RGS6: variants seen among roughly 807,000 people sequenced by gnomAD.
The protein encoded by RGS6 is regulator of G protein signaling 6.
RGS6 carries 30 observed loss-of-function variants against 78.5 expected under a neutral mutation model. The ratio of observed to expected loss-of-function variants is 0.38; its 90% CI spans 0.29 to 0.52. The LOEUF (loss-of-function observed/expected upper bound fraction) is 0.52. RGS6 is among the 20% of genes least tolerant of loss of function. The pLI is 0.85. For synonymous variants in RGS6, 206 were observed against 206.0 expected, an observed-to-expected ratio of 1.00 and a Z score of 0.00; for missense variants, 495 against 609.7, an observed-to-expected ratio of 0.81 and a Z score of 1.98.
At position 72,326,385 on chromosome 14, in the gene RGS6, C is replaced by T. The variant is rs182219356; in HGVS notation, c.85-25710C>T. ...GATAGAGTTTGGATATTTGTCCCTG[C>T]GCAAATCACATGATGAAATGTAATT... On this transcript the variant is annotated intron_variant, in intron 2 of 17. Transcript: ENST00000553525. Among the ~76,000 whole-genome samples, 88 of 152,204 alleles carry T rather than the reference C, an allele frequency of 5.8e-4. 1 individual carries two copies. Among genetic ancestry groups the T allele is most frequent in the East Asian group, 1.7e-3 (9 of 5,174 alleles).
At chr14:72,139,312 GTCT>G (rs1831860654) in intron 2 of RGS6, among the ~76,000 whole-genome samples, 2 of 152,176 alleles carry the variant, frequency 1.3e-5, no homozygotes, top group Non-Finnish European at 2.9e-5. Flanking sequence ...TTCTTGAATA[GTCT>G]TCTAATATAG....
At chr14:71,896,948 CTG>C in the RGS6 span, among the ~76,000 whole-genome samples, 1 of 152,218 alleles carries the variant, frequency 6.6e-6, no homozygotes, top group African/African-American at 2.4e-5. Context: ...TTCCTCACAC[CTG>C]TGTAGGGTTA....
intron 2 of RGS6, among the ~76,000 whole-genome samples, chr14:72,349,715 G>A (rs2078761669): frequency 6.6e-6 from 1 of 152,192 alleles, no homozygotes; most frequent in South Asian, 2.1e-4. Flanking sequence ...AGCCTTCTAA[G>A]ATTCAGTCGT....
intron 3 of RGS6, among the ~76,000 whole-genome samples, chr14:72,372,646 C>T (rs921367144): frequency 1.3e-5 from 2 of 152,144 alleles, no homozygotes; most frequent in South Asian, 4.2e-4. Context: ...TCTATAGAGT[C>T]ACAGTTCATA....
chr14:72,415,999 T>C (rs1054348625), intron 3 of RGS6, among the ~76,000 whole-genome samples: 1 of 151,890 alleles, frequency 6.6e-6, no homozygotes, highest in African/African-American at 2.4e-5. Flanking sequence ...AATACAAAAA[T>C]TAGCCAGGTG....
intron 2 of RGS6, among the ~76,000 whole-genome samples, chr14:72,055,621 C>T (rs1031228414): frequency 6.6e-6 from 1 of 152,088 alleles, no homozygotes; most frequent in African/African-American, 2.4e-5. Context: ...ACTCTGATTT[C>T]TTTGGAGCCC....
At chr14:72,006,387 C>T (rs754515691) in intron 2 of RGS6, among the ~76,000 whole-genome samples, 25 of 152,178 alleles carry the variant, frequency 1.6e-4, no homozygotes, top group Admixed American at 2.0e-4. Context: ...TGATGACAGA[C>T]GCGACCATAT....
intron 17 of RGS6, chr14:72,540,450 C>T (rs2097309205): frequency 6.7e-7 from 1 of 1,499,650 alleles, no homozygotes; most frequent in African/African-American, 1.4e-5. Flanking sequence ...AGCCATCGAA[C>T]TATACCGTGA....
intron 2 of RGS6, among the ~76,000 whole-genome samples, chr14:72,301,014 T>C (rs1199752917): frequency 6.6e-6 from 1 of 152,202 alleles, no homozygotes; most frequent in Admixed American, 6.5e-5. Context: ...ATGATTTATT[T>C]ATTACTTGTG....
chr14:72,254,497 G>A (rs1278781233), intron 2 of RGS6, among the ~76,000 whole-genome samples: 1 of 151,982 alleles, frequency 6.6e-6, no homozygotes, highest in East Asian at 1.9e-4. Context: ...CTTTTCCACA[G>A]TCCCTGTTCT....
intron 2 of RGS6, among the ~76,000 whole-genome samples, chr14:72,212,401 AG>A (rs1599621838): frequency 2.0e-5 from 3 of 152,320 alleles, no homozygotes; most frequent in South Asian, 4.1e-4. Flanking sequence ...CAGAGAGGAG[AG>A]TAATGGTCAA....
the RGS6 span, among the ~76,000 whole-genome samples, chr14:71,898,967 G>A: frequency 6.6e-6 from 1 of 152,140 alleles, no homozygotes; most frequent in African/African-American, 2.4e-5. Context: ...ATGCTGTGAT[G>A]AACTCTCTCC....
At chr14:72,599,399 T>TTG in the RGS6 span, among the ~76,000 whole-genome samples, 1 of 54,288 alleles carries the variant, frequency 1.8e-5, no homozygotes, top group Non-Finnish European at 4.5e-5. Flanking sequence ...TTTCCTTTTT[T>TTG]TTTTTTTTTT....
intron 2 of RGS6, among the ~76,000 whole-genome samples, chr14:72,285,645 G>A (rs948952751): frequency 1.3e-5 from 2 of 152,126 alleles, no homozygotes; most frequent in Non-Finnish European, 2.9e-5. Context: ...CACTAACAGT[G>A]TACAAGGGTT....
the RGS6 span, among the ~76,000 whole-genome samples, chr14:71,905,450 A>G: frequency 1.3e-5 from 2 of 152,274 alleles, no homozygotes; most frequent in Non-Finnish European, 2.9e-5. Context: ...CTTAAACAGA[A>G]CATTGCAAGA....
At chr14:72,313,258 C>T (rs1470431318) in intron 2 of RGS6, among the ~76,000 whole-genome samples, 1 of 152,154 alleles carries the variant, frequency 6.6e-6, no homozygotes, top group Admixed American at 6.5e-5. Flanking sequence ...AAATTCAGGG[C>T]CCCTTGTTCA....
At position 72,504,686 on chromosome 14, in the gene RGS6, G is replaced by A. The variant is rs1035918190; in HGVS notation, c.966-5468G>A. Among the ~76,000 whole-genome samples the A allele has an allele frequency of 4.6e-5, 7 of 150,980 alleles. No individual in the cohort carries two copies. In the East Asian group the frequency reaches 1.2e-3, roughly 25 times the overall value. On this transcript the variant is annotated intron_variant, in intron 13 of 17. Transcript: ENST00000553525. ...CGCCAGAATATCCTTTAAAGGCCTGGTTACAGCAGTTTAGGTTCCTCTCCC... is the reference window on the plus strand; with the variant it reads ...CGCCAGAATATCCTTTAAAGGCCTGATTACAGCAGTTTAGGTTCCTCTCCC...
Position 72,089,170 on chromosome 14 carries a change from A to G in RGS6, c.84+124295A>G, listed in dbSNP as rs144960039. ...CACCCTTCAATTCCTTGTGCCCACA[A>G]CAGTGACTGGCACATGGAAAGCATT... On this transcript the variant is annotated intron_variant, in intron 2 of 17. Coordinates refer to ENST00000553525, the MANE Select transcript of RGS6 (RefSeq NM_001204424.2). Among the ~76,000 whole-genome samples, 505 of 152,342 alleles carry G rather than the reference A, an allele frequency of 3.3e-3. 2 individuals are homozygous for G. The highest frequency in any genetic ancestry group is 0.011 in the African/African-American group (452 of 41,572).
At chr14:72,128,877 A>G (rs1448659420) in intron 2 of RGS6, among the ~76,000 whole-genome samples, 1 of 152,188 alleles carries the variant, frequency 6.6e-6, no homozygotes, top group Non-Finnish European at 1.5e-5. Context: ...CCAGCCTATT[A>G]GTTGCCTGGC....
Sources: allele counts gnomAD v4.1 joint callset (sites outside exome capture counted in the v4.1 genomes callset), GRCh38; gene constraint gnomAD v4.1.1; transcripts MANE v1.5; gene names NCBI Gene and HGNC (gene_info 2026-07-23, HGNC 2026-07-21).